Variants in CYP2C18 observed in about 807,000 individuals in gnomAD.
CYP2C18 encodes cytochrome P450 family 2 subfamily C member 18.
Under a neutral mutation model 41.3 loss-of-function variants are expected in CYP2C18, and 38 were observed. The observed-to-expected ratio is 0.92, with a 90% confidence interval of 0.71 to 1.21. The LOEUF (loss-of-function observed/expected upper bound fraction) is 1.21. CYP2C18 is among the 50% of genes most tolerant of loss of function. CYP2C18 has a pLI of 0.00. For synonymous variants in CYP2C18, 236 were observed against 210.0 expected (o/e 1.12, Z -1.07); for missense variants, 635 against 591.4 (o/e 1.07, Z -0.77).
At chr10:94,730,872 G>A (rs7076810) in intron 7 of CYP2C18, among the ~76,000 whole-genome samples, 73,368 of 151,850 alleles carry the variant, frequency 0.48, 18,661 homozygotes, top group African/African-American at 0.63. Flanking sequence ...TAGCATTTTT[G>A]TATATCAATA....
At chr10:94,706,714 C>A in intron 4 of CYP2C18, 70 bp from the exon 5 acceptor site, 2 of 839,826 alleles carry the variant, frequency 2.4e-6, no homozygotes, top group Non-Finnish European at 1.8e-6. Context: ...AGTTTTAAAC[C>A]AGCAGTTGAC....
chr10:94,706,320 T>A (rs1307605442), intron 4 of CYP2C18, among the ~76,000 whole-genome samples: 1 of 152,160 alleles, frequency 6.6e-6, no homozygotes, highest in Non-Finnish European at 1.5e-5. Context: ...ATGGTATCTT[T>A]GTACCCCTCC....
intron 1 of CYP2C18, among the ~76,000 whole-genome samples, chr10:94,687,547 G>A (rs1002357231): frequency 1.3e-4 from 20 of 152,208 alleles, no homozygotes; most frequent in Admixed American, 6.5e-5. Flanking sequence ...TGATGATTAA[G>A]TTTAATAGCC....
chr10:94,705,283 T>C (rs1847321077), intron 4 of CYP2C18, among the ~76,000 whole-genome samples: 1 of 152,162 alleles, frequency 6.6e-6, no homozygotes, highest in African/African-American at 2.4e-5. Context: ...GCACCACATG[T>C]TCTCATTCAT....
At chr10:94,721,464 T>A (rs1354708728) in intron 6 of CYP2C18, among the ~76,000 whole-genome samples, 1 of 152,170 alleles carries the variant, frequency 6.6e-6, no homozygotes, top group Non-Finnish European at 1.5e-5. Flanking sequence ...TTTTGGTAAA[T>A]TTCTATTTTT....
chr10:94,700,753 C>G (rs1241843155), intron 4 of CYP2C18, among the ~76,000 whole-genome samples: 1 of 152,098 alleles, frequency 6.6e-6, no homozygotes, highest in Non-Finnish European at 1.5e-5. Flanking sequence ...CCAGAATCTA[C>G]AATGAACTCA....
intron 3 of CYP2C18, among the ~76,000 whole-genome samples, chr10:94,692,104 A>G (rs934938635): frequency 6.6e-6 from 1 of 152,342 alleles, no homozygotes. Flanking sequence ...CATTTAGGAC[A>G]TAGGCATGGG....
At chr10:94,699,875 A>G (rs544304921) in intron 4 of CYP2C18, among the ~76,000 whole-genome samples, 60 of 152,238 alleles carry the variant, frequency 3.9e-4, no homozygotes, top group African/African-American at 1.4e-3. Flanking sequence ...CTCCCATTCA[A>G]AATTGCTTCA....
intron 1 of CYP2C18, among the ~76,000 whole-genome samples, chr10:94,686,208 A>C (rs2134173064): frequency 6.6e-6 from 1 of 152,208 alleles, no homozygotes; most frequent in African/African-American, 2.4e-5. Context: ...CTAGTGTATA[A>C]AAATGCCACT....
chr10:94,689,965 G>A (rs1276820568), intron 3 of CYP2C18, among the ~76,000 whole-genome samples: 5 of 152,040 alleles, frequency 3.3e-5, no homozygotes, highest in Non-Finnish European at 7.4e-5. Flanking sequence ...ATTTCTTCCT[G>A]TGAAAACCCC....
Position 94,706,803 on chromosome 10 carries a change from C to T in CYP2C18, c.662C>T (p.Ala221Val). ...PWIQVCNNFP[A>V]LIDYLPGSHN... ...TTTAAGGTCTGCAATAATTTCCCTG[C>T]TCTCATCGATTATCTCCCAGGAAGT... Residue 221 changes from alanine to valine, a missense_variant, in exon 5 of 9, where the codon GCT becomes GTT. Transcript: ENST00000285979. 6.3e-7 allele frequency: 1 copy of T among 1,592,694 alleles called. No homozygotes were observed. The highest frequency in any genetic ancestry group is 8.6e-7 in the Non-Finnish European group (1 of 1,165,624).
At chr10:94,696,725 A>C (rs958400673) in intron 4 of CYP2C18, among the ~76,000 whole-genome samples, 4 of 151,984 alleles carry the variant, frequency 2.6e-5, no homozygotes, top group African/African-American at 9.7e-5. Flanking sequence ...GAAGTTAAAA[A>C]CCTTGAAAAA....
chr10:94,712,480 T>C (rs939138214), intron 5 of CYP2C18, among the ~76,000 whole-genome samples: 13 of 152,082 alleles, frequency 8.5e-5, no homozygotes, highest in African/African-American at 3.1e-4. Flanking sequence ...CTTAGCATAA[T>C]GTTCTCCAGT....
chr10:94,702,966 A>G (rs1256488371), intron 4 of CYP2C18, among the ~76,000 whole-genome samples: 1 of 151,996 alleles, frequency 6.6e-6, no homozygotes, highest in African/African-American at 2.4e-5. Flanking sequence ...TCTGTTTGTT[A>G]GTTTTCCTCC....
chr10:94,721,862 C>T (rs1485413476), intron 6 of CYP2C18, among the ~76,000 whole-genome samples: 2 of 151,828 alleles, frequency 1.3e-5, no homozygotes, highest in Non-Finnish European at 2.9e-5. Context: ...ATACTAGATG[C>T]AGATTTTTAA....
intron 7 of CYP2C18, among the ~76,000 whole-genome samples, chr10:94,729,190 A>C (rs938156748): frequency 7.9e-5 from 12 of 152,194 alleles, no homozygotes. Flanking sequence ...CATATAAAGA[A>C]GTCAGTGAGG....
intron 4 of CYP2C18, among the ~76,000 whole-genome samples, chr10:94,703,770 C>A (rs926054730): frequency 1.3e-5 from 2 of 152,154 alleles, no homozygotes; most frequent in Non-Finnish European, 2.9e-5. Context: ...AATTCAGGTG[C>A]CACTGGGGTA....
At chr10:94,702,433 T>A (rs1390765934) in intron 4 of CYP2C18, among the ~76,000 whole-genome samples, 1 of 152,098 alleles carries the variant, frequency 6.6e-6, no homozygotes, top group Non-Finnish European at 1.5e-5. Flanking sequence ...TGTTCGCTCC[T>A]TTTCATTCTT....
intron 6 of CYP2C18, among the ~76,000 whole-genome samples, chr10:94,721,550 C>G (rs1377429668): frequency 6.6e-6 from 1 of 151,490 alleles, no homozygotes; most frequent in Non-Finnish European, 1.5e-5. Context: ...TTCAGTGTAC[C>G]CTTCACCTGA....
Sources: gnomAD v4.1 joint callset for allele counts (sites outside exome capture counted in the v4.1 genomes callset) on GRCh38, gnomAD v4.1.1 for gene constraint, MANE v1.5 for transcripts, NCBI Gene and HGNC (gene_info 2026-07-23, HGNC 2026-07-21) for gene names.